The following DOCK7 variants were observed in gnomAD, a reference collection of about 807,000 sequenced individuals.
DOCK7 encodes the protein dedicator of cytokinesis 7, also known as dedicator of cytokinesis protein 7.
A neutral mutation model predicts 271.0 loss-of-function variants in DOCK7; 138 were observed. The observed-to-expected ratio is 0.51, with a 90% CI of 0.44 to 0.59. The LOEUF is 0.59. DOCK7 is among the 20% of genes least tolerant of loss of function. DOCK7 has a pLI of 0.00. For missense variants in DOCK7, 2,066 were observed against 2,592.4 expected (o/e 0.80, Z 4.41); for synonymous variants, 823 against 876.1 (o/e 0.94, Z 1.07).
At chr1:62,497,687 C>G (rs1466155281) in intron 37 of DOCK7, among the ~76,000 whole-genome samples, 1 of 152,156 alleles carries the variant, frequency 6.6e-6, no homozygotes, top group Admixed American at 6.5e-5. Flanking sequence ...AATCTCCATG[C>G]CTTTTTCTTT....
chr1:62,597,649 C>T (rs1165491527), intron 14 of DOCK7: 1 of 1,613,316 alleles, frequency 6.2e-7, no homozygotes, highest in East Asian at 2.2e-5. Flanking sequence ...TCATTTGATT[C>T]TCTATCTCCA....
intron 48 of DOCK7, among the ~76,000 whole-genome samples, chr1:62,469,115 C>T (rs572974569): frequency 2.6e-5 from 4 of 152,208 alleles, no homozygotes; most frequent in South Asian, 4.1e-4. Flanking sequence ...ATAGCCAAAG[C>T]GAGACTAAGC....
At chr1:62,615,537 C>T (rs891351379) in intron 14 of DOCK7, among the ~76,000 whole-genome samples, 1 of 151,658 alleles carries the variant, frequency 6.6e-6, no homozygotes, top group South Asian at 2.1e-4. Flanking sequence ...TTATGTAAAG[C>T]CCTAATCTGA....
At chr1:62,673,744 C>G (rs1660253751) in intron 1 of DOCK7, among the ~76,000 whole-genome samples, 1 of 152,126 alleles carries the variant, frequency 6.6e-6, no homozygotes, top group South Asian at 2.1e-4. Flanking sequence ...AAATATTTCT[C>G]AAATCCTTGT....
chr1:62,567,355 T>C (rs1646554063), intron 18 of DOCK7, among the ~76,000 whole-genome samples: 1 of 152,194 alleles, frequency 6.6e-6, no homozygotes, highest in African/African-American at 2.4e-5. Flanking sequence ...CACCATGGAA[T>C]ACTATGCAGC....
chr1:62,687,787 A>AC (rs1164121769), intron 1 of DOCK7: 1 of 133,666 alleles, frequency 7.5e-6, no homozygotes, highest in Non-Finnish European at 1.6e-5. Context: ...AGGAGGGCGG[A>AC]CCCCGCACCC....
chr1:62,643,914 C>A (rs914255643), intron 7 of DOCK7, among the ~76,000 whole-genome samples: 1 of 151,930 alleles, frequency 6.6e-6, no homozygotes, highest in African/African-American at 2.4e-5. Context: ...ATTATAAAAT[C>A]TTGAAAAAGA....
chr1:62,469,370 A>T (rs962952768), intron 48 of DOCK7, among the ~76,000 whole-genome samples: 24 of 152,200 alleles, frequency 1.6e-4, no homozygotes, highest in African/African-American at 5.5e-4. Flanking sequence ...CAAGCCATAT[A>T]CAGGAGAATG....
At chr1:62,678,990 C>T (rs900518957) in intron 1 of DOCK7, among the ~76,000 whole-genome samples, 1 of 152,080 alleles carries the variant, frequency 6.6e-6, no homozygotes, top group African/African-American at 2.4e-5. Context: ...ATCAAAATAT[C>T]TTATGTACCC....
Position 62,477,811 on chromosome 1 carries a change from G to T in DOCK7, c.5523C>A (p.Thr1841=), listed in dbSNP as rs759374954. ...QSTGWERMFG[T]YFRVGFYGTK... ...TTCCATAAAAACCAACACGAAAATAGGTGCCAAACATCCGCTTACCATCCT... is the reference window on the plus strand; with the variant it reads ...TTCCATAAAAACCAACACGAAAATATGTGCCAAACATCCGCTTACCATCCT... The change falls in exon 44 of 50, where the codon ACC becomes ACA. Residue 1841 remains threonine (T), a synonymous_variant. Transcript: ENST00000635253. 9 of 1,607,178 alleles carry T rather than the reference G, an allele frequency of 5.6e-6. No individual in the cohort carries two copies. Among genetic ancestry groups the T allele is most frequent in the Non-Finnish European group, 5.9e-6 (7 of 1,177,762 alleles).
Position 62,539,843 on chromosome 1 carries a change from G to A in DOCK7, c.3095C>T (p.Pro1032Leu), listed in dbSNP as rs1384183132. Reference sequence around the variant, plus strand: ...ACGTTCTGGAAAACGACTTTTCCTTGGAGCCTCAAGTTTATCATTAAAGTA... The same window carrying A: ...ACGTTCTGGAAAACGACTTTTCCTTAGAGCCTCAAGTTTATCATTAAAGTA... ...HLYFNDKLEA[P>L]RKSRFPERFM... The change falls in exon 26 of 50, where the codon CCA becomes CTA. Residue 1032 changes from proline (P) to leucine (L), a missense_variant. Transcript: ENST00000635253. The A allele has an allele frequency of 3.1e-6, 5 of 1,613,206 alleles. No individual in the cohort carries two copies. The highest frequency in any genetic ancestry group is 4.2e-6 in the Non-Finnish European group (5 of 1,179,596).
intron 14 of DOCK7, among the ~76,000 whole-genome samples, chr1:62,600,677 T>C (rs1649981590): frequency 6.6e-6 from 1 of 151,826 alleles, no homozygotes; most frequent in Non-Finnish European, 1.5e-5. Flanking sequence ...AAATTATGTA[T>C]TATGTCTTTA....
chr1:62,542,795 G>C (rs1218316047), intron 24 of DOCK7, 92 bp from the exon 25 acceptor site: 7 of 1,237,826 alleles, frequency 5.7e-6, no homozygotes, highest in Non-Finnish European at 5.8e-6. Flanking sequence ...AAGATATAAT[G>C]AGAATAAGCA....
At chr1:62,624,482 A>G (rs1345028654) in intron 12 of DOCK7, among the ~76,000 whole-genome samples, 1 of 152,186 alleles carries the variant, frequency 6.6e-6, no homozygotes, top group African/African-American at 2.4e-5. Flanking sequence ...GGATCCATAC[A>G]TTCACCTCTA....
At chr1:62,576,913 TAA>T (rs1201864705) in intron 18 of DOCK7, among the ~76,000 whole-genome samples, 3 of 152,208 alleles carry the variant, frequency 2.0e-5, no homozygotes, top group South Asian at 2.1e-4. Context: ...AGTGAAATGT[TAA>T]GTCTACTAAA....
chr1:62,526,097 G>A lies in DOCK7; in HGVS notation c.3936+2054C>T, dbSNP rs1214705941. ...GACTACAGTAGGCACATGCCACCAC[G>A]CCCGGCTATTTTTTGTGGTTTTGGA... On this transcript the variant is annotated intron_variant, in intron 31 of 49. Transcript: ENST00000635253. Among the ~76,000 whole-genome samples, 14 of 152,032 alleles carry A rather than the reference G, an allele frequency of 9.2e-5. No homozygotes were observed. The East Asian group carries it at 2.1e-3, about 23-fold the overall frequency.
intron 48 of DOCK7, among the ~76,000 whole-genome samples, chr1:62,463,552 C>T (rs1455253277): frequency 6.6e-6 from 1 of 152,066 alleles, no homozygotes; most frequent in Non-Finnish European, 1.5e-5. Context: ...CAAAACAAAA[C>T]AGGAAACAAC....
rs200798806 is a variant in DOCK7, at chr1:62,655,425, C to CT, written c.145-1267dup. The stretch of plus-strand genomic sequence containing the variant: ...TTGGACTGAACTTTTTTTTTCTTTT[C>CT]TTTTTTTTTTTTTTTTTGAGACGGG... On this transcript the variant is annotated intron_variant, in intron 2 of 49. Coordinates refer to ENST00000635253, the MANE Select transcript of DOCK7 (RefSeq NM_001367561.1). Among the ~76,000 whole-genome samples the CT allele has an allele frequency of 5.8e-3, 503 of 86,310 alleles. 4 individuals carry two copies. The highest frequency in any genetic ancestry group is 0.011 in the African/African-American group (353 of 31,908). The allele number at this position is 86,310 out of a possible 152,430, so 56.6% of individuals were successfully genotyped here. A position where few individuals can be genotyped will look rare whatever the true frequency, so the allele number is the denominator to read the frequency against.
At chr1:62,639,642 G>A (rs1655749260) in intron 7 of DOCK7, among the ~76,000 whole-genome samples, 1 of 151,664 alleles carries the variant, frequency 6.6e-6, no homozygotes, top group South Asian at 2.1e-4. Context: ...TGTTAGCCAG[G>A]ATGGTCTTGA....
Sources: gnomAD v4.1 joint callset for allele counts (sites outside exome capture counted in the v4.1 genomes callset) on GRCh38, gnomAD v4.1.1 for gene constraint, MANE v1.5 for transcripts, NCBI Gene and HGNC (gene_info 2026-07-23, HGNC 2026-07-21) for gene names.